The following MCTP2 variants were observed in gnomAD, a reference collection of about 807,000 sequenced individuals.
MCTP2 encodes the protein multiple C2 and transmembrane domain-containing protein 2.
MCTP2 carries 132 observed loss-of-function variants against 111.6 expected under a neutral mutation model. That is an observed-to-expected ratio of 1.18 (90% CI 1.03 to 1.37). MCTP2 has a LOEUF of 1.37. Ranked by LOEUF, MCTP2 falls within the 40% of genes most tolerant of loss-of-function variation. MCTP2 has a pLI of 0.00. For missense variants in MCTP2, 1,183 were observed against 1,067.9 expected, an observed-to-expected ratio of 1.11 and a Z score of -1.50; for synonymous variants, 395 against 387.7, an observed-to-expected ratio of 1.02 and a Z score of -0.22.
intron 1 of MCTP2, 50 bp from the exon 2 acceptor site, chr15:94,298,151 G>GTT (rs1394933650): frequency 5.2e-4 from 329 of 631,466 alleles, no homozygotes; most frequent in South Asian, 1.1e-3. Flanking sequence ...GAAGGTTCAT[G>GTT]TTTTTTTTTT....
intron 1 of MCTP2, among the ~76,000 whole-genome samples, chr15:94,257,690 G>A (rs1219037448): frequency 1.4e-5 from 2 of 145,116 alleles, no homozygotes; most frequent in South Asian, 2.2e-4. Context: ...AGGTTCGAGC[G>A]ATTCTCCTGC....
At chr15:94,353,432 G>A (rs1462729421) in intron 8 of MCTP2, among the ~76,000 whole-genome samples, 4 of 152,144 alleles carry the variant, frequency 2.6e-5, no homozygotes, top group Non-Finnish European at 4.4e-5. Flanking sequence ...AGAGCTAAGT[G>A]GAGCTGTTTT....
At chr15:94,245,420 GTGTGTATATATTTATATA>G (rs1567265291) in intron 1 of MCTP2, among the ~76,000 whole-genome samples, 14 of 76,756 alleles carry the variant, frequency 1.8e-4, no homozygotes, top group African/African-American at 6.6e-4. Flanking sequence ...TTATATACAT[GTGTGTATATATTTATATA>G]TACACATATA....
chr15:94,264,748 T>C (rs2073413876), intron 1 of MCTP2, among the ~76,000 whole-genome samples: 1 of 152,166 alleles, frequency 6.6e-6, no homozygotes, highest in Admixed American at 6.5e-5. Flanking sequence ...ATGTAACTTG[T>C]TTTTAGCCAT....
At chr15:94,454,590 A>G (rs1377656456) in intron 19 of MCTP2, among the ~76,000 whole-genome samples, 1 of 127,002 alleles carries the variant, frequency 7.9e-6, no homozygotes. Context: ...CCAAAATTGG[A>G]CTCTTTTGTG....
chr15:94,340,928 A>G lies in MCTP2; in HGVS notation c.969+4A>G. 6.4e-7 allele frequency: 1 copy of G among 1,552,012 alleles called. No homozygotes were observed. The highest frequency in any genetic ancestry group is 8.9e-7 in the Non-Finnish European group (1 of 1,123,896). The stretch of plus-strand genomic sequence containing the variant: ...ACAGGGTGATTTCAAGAGACACGTA[A>G]GTGGGACCTTCTATTCTTTTGAAAC... On this transcript the variant is annotated splice_donor_region_variant and intron_variant, in intron 7 of 22. Coordinates refer to ENST00000357742, the MANE Select transcript of MCTP2 (RefSeq NM_001385001.1).
At chr15:94,341,948 GCTT>G (rs542624753) in intron 7 of MCTP2, 1 of 152,066 alleles carries the variant, frequency 6.6e-6, no homozygotes, top group South Asian at 2.1e-4. Context: ...ATTTTCTTTA[GCTT>G]CTTCTTGATC....
chr15:94,353,500 T>C (rs2078430265), intron 8 of MCTP2, among the ~76,000 whole-genome samples: 1 of 152,204 alleles, frequency 6.6e-6, no homozygotes, highest in Non-Finnish European at 1.5e-5. Flanking sequence ...AATTAGGACA[T>C]ACCAAGCCGC....
intron 16 of MCTP2, among the ~76,000 whole-genome samples, chr15:94,400,619 TC>T (rs1420509766): frequency 4.6e-4 from 68 of 146,880 alleles, no homozygotes; most frequent in Admixed American, 9.5e-4. Flanking sequence ...TTTTTTTTTT[TC>T]CGTGACCTTT....
chr15:94,289,326 C>T (rs1194079930), intron 1 of MCTP2, among the ~76,000 whole-genome samples: 3 of 152,132 alleles, frequency 2.0e-5, no homozygotes, highest in Non-Finnish European at 2.9e-5. Flanking sequence ...ATGGCACATC[C>T]GTTTTTCAAG....
intron 13 of MCTP2, among the ~76,000 whole-genome samples, chr15:94,384,719 A>G (rs115557199): frequency 1.8e-3 from 268 of 152,336 alleles, no homozygotes; most frequent in African/African-American, 6.2e-3. Flanking sequence ...ACGAAGCTAA[A>G]TCAATGCTCT....
At chr15:94,473,623 G>C (rs1359150524) in intron 21 of MCTP2, among the ~76,000 whole-genome samples, 1 of 152,092 alleles carries the variant, frequency 6.6e-6, no homozygotes, top group Non-Finnish European at 1.5e-5. Context: ...ACTTCTAGTT[G>C]AAACCACTTC....
intron 4 of MCTP2, among the ~76,000 whole-genome samples, chr15:94,332,866 A>T (rs2077191739): frequency 6.6e-6 from 1 of 152,232 alleles, no homozygotes; most frequent in Non-Finnish European, 1.5e-5. Context: ...AAAATGTTAC[A>T]TGGTAAGTTT....
chr15:94,245,264 ATG>A (rs1254582995), intron 1 of MCTP2, among the ~76,000 whole-genome samples: 23 of 142,214 alleles, frequency 1.6e-4, no homozygotes, highest in Admixed American at 3.5e-4. Context: ...ATATATACAT[ATG>A]TGTATATACG....
At chr15:94,259,486 C>T (rs189280130) in intron 1 of MCTP2, among the ~76,000 whole-genome samples, 1 of 152,232 alleles carries the variant, frequency 6.6e-6, no homozygotes, top group African/African-American at 2.4e-5. Context: ...GAATCCTTAC[C>T]AGGGTTTGGT....
At chr15:94,464,392 T>TCCTCTTATTTAATGTTGTTTATAACAC (rs1475308971) in intron 20 of MCTP2, among the ~76,000 whole-genome samples, 1 of 151,022 alleles carries the variant, frequency 6.6e-6, no homozygotes, top group Admixed American at 6.6e-5. Flanking sequence ...GTTTATAACA[T>TCCTCTTATTTAATGTTGTTTATAACAC]CCTCTTATTT....
At chr15:94,252,649 C>T (rs560724167) in intron 1 of MCTP2, among the ~76,000 whole-genome samples, 99 of 147,694 alleles carry the variant, frequency 6.7e-4, no homozygotes, top group Non-Finnish European at 1.1e-3. Context: ...TTTTTTTGGT[C>T]TCAAAGTAAA....
At chr15:94,332,218 G>C (rs1285653234) in intron 4 of MCTP2, among the ~76,000 whole-genome samples, 1 of 152,176 alleles carries the variant, frequency 6.6e-6, no homozygotes, top group African/African-American at 2.4e-5. Flanking sequence ...GAGTAGCTCA[G>C]CTCTACTGTA....
chr15:94,276,150 A>G (rs1476035330), intron 1 of MCTP2, among the ~76,000 whole-genome samples: 1 of 152,074 alleles, frequency 6.6e-6, no homozygotes, highest in Admixed American at 6.5e-5. Flanking sequence ...GGCCTTTATA[A>G]GTGTTTTTAA....
Sources: allele counts gnomAD v4.1 joint callset (sites outside exome capture counted in the v4.1 genomes callset), GRCh38; gene constraint gnomAD v4.1.1; transcripts MANE v1.5; gene names NCBI Gene and HGNC (gene_info 2026-07-23, HGNC 2026-07-21).